MAPKAP1: variants seen among roughly 807,000 people sequenced by gnomAD.
MAPKAP1 encodes the protein target of rapamycin complex 2 subunit MAPKAP1.
MAPKAP1 carries 20 observed loss-of-function variants against 65.7 expected under a neutral mutation model. The ratio of observed to expected loss-of-function variants is 0.30; its 90% CI spans 0.21 to 0.44. The LOEUF (loss-of-function observed/expected upper bound fraction) is 0.44, where lower values mean the gene tolerates loss of function less well. MAPKAP1 is among the 20% of genes least tolerant of loss of function. The pLI is 1.00. For missense variants in MAPKAP1, 423 were observed against 648.0 expected (o/e 0.65, Z 3.77); for synonymous variants, 222 against 244.3 (o/e 0.91, Z 0.85).
At chr9:125,665,623 C>CA (rs1257029556) in intron 3 of MAPKAP1, among the ~76,000 whole-genome samples, 8 of 148,062 alleles carry the variant, frequency 5.4e-5, no homozygotes, top group African/African-American at 7.5e-5. Context: ...CCTTGTTGCT[C>CA]AAAAAAAACA....
chr9:125,495,779 G>C (rs557898750), intron 8 of MAPKAP1, among the ~76,000 whole-genome samples: 2 of 152,344 alleles, frequency 1.3e-5, no homozygotes, highest in South Asian at 4.1e-4. Context: ...GGTCAGCACA[G>C]CTTTTTGCCC....
chr9:125,461,003 G>A (rs1853473087), intron 10 of MAPKAP1, among the ~76,000 whole-genome samples: 1 of 152,214 alleles, frequency 6.6e-6, no homozygotes, highest in African/African-American at 2.4e-5. Context: ...TGATGACCAG[G>A]TCAGTCAATG....
At chr9:125,491,603 C>A (rs1854731114) in intron 8 of MAPKAP1, among the ~76,000 whole-genome samples, 1 of 151,306 alleles carries the variant, frequency 6.6e-6, no homozygotes, top group Non-Finnish European at 1.5e-5. Context: ...ATGGCAAAAC[C>A]CCATCTCTAC....
intron 3 of MAPKAP1, among the ~76,000 whole-genome samples, chr9:125,658,979 G>A (rs1445389438): frequency 3.9e-5 from 6 of 152,128 alleles, no homozygotes; most frequent in Admixed American, 1.3e-4. Flanking sequence ...GCTGGGCACC[G>A]TGGCTCAAAC....
intron 4 of MAPKAP1, among the ~76,000 whole-genome samples, chr9:125,629,463 C>T (rs768069578): frequency 2.0e-5 from 3 of 152,110 alleles, no homozygotes; most frequent in Admixed American, 1.3e-4. Context: ...CATGGATGAA[C>T]CTTGAGGACA....
At chr9:125,520,482 C>T (rs1351447764) in intron 7 of MAPKAP1, among the ~76,000 whole-genome samples, 4 of 152,130 alleles carry the variant, frequency 2.6e-5, no homozygotes, top group African/African-American at 7.2e-5. Context: ...CATACTAGTC[C>T]CTCAGTTTGG....
At chr9:125,473,521 C>A (rs1406131661) in intron 9 of MAPKAP1, among the ~76,000 whole-genome samples, 1 of 152,196 alleles carries the variant, frequency 6.6e-6, no homozygotes, top group Non-Finnish European at 1.5e-5. Context: ...CCTTCCTTAA[C>A]AAGACAGCTC....
At chr9:125,637,125 C>T (rs186900899) in intron 4 of MAPKAP1, among the ~76,000 whole-genome samples, 538 of 151,956 alleles carry the variant, frequency 3.5e-3, no homozygotes, top group Non-Finnish European at 4.8e-3. Context: ...AAAAGTTAGC[C>T]GGATGTGGTG....
intron 6 of MAPKAP1, among the ~76,000 whole-genome samples, chr9:125,556,806 C>T (rs1407494866): frequency 6.6e-6 from 1 of 152,192 alleles, no homozygotes; most frequent in African/African-American, 2.4e-5. Flanking sequence ...GCTTTACTAA[C>T]TTAGAATATA....
chr9:125,652,269 G>A (rs1270610065), intron 4 of MAPKAP1: 1 of 1,221,368 alleles, frequency 8.2e-7, no homozygotes, highest in Non-Finnish European at 1.1e-6. Context: ...TGAAACAAGA[G>A]CAGCATGCAA....
intron 4 of MAPKAP1, among the ~76,000 whole-genome samples, chr9:125,637,034 C>T (rs1017521969): frequency 2.0e-5 from 3 of 152,092 alleles, no homozygotes; most frequent in African/African-American, 4.8e-5. Flanking sequence ...TTTGGGAGGC[C>T]GAGGTGGGTG....
Position 125,438,445 on chromosome 9 carries a change from A to G in MAPKAP1, c.*442T>C. 2.5e-6 allele frequency: 1 copy of G among 399,906 alleles called. No individual in the cohort carries two copies. The highest frequency in any genetic ancestry group is 4.4e-6 in the Non-Finnish European group (1 of 226,634). 24.8% of individuals were successfully genotyped at this position (399,906 alleles called of 1,614,324 possible). A position where few individuals can be genotyped will look rare whatever the true frequency, so the allele number is the denominator to read the frequency against. ...GTAACATAATCAATCCTCCGCCCCA[A>G]AGAATGGTCCATCATACCAACCATG... On this transcript the variant is annotated 3_prime_UTR_variant, in exon 12 of 12. Transcript: ENST00000265960.
At chr9:125,485,376 T>C (rs1854468309) in intron 8 of MAPKAP1, among the ~76,000 whole-genome samples, 1 of 152,196 alleles carries the variant, frequency 6.6e-6, no homozygotes, top group Non-Finnish European at 1.5e-5. Context: ...CTGTGCATGC[T>C]AAGTACTCTG....
intron 4 of MAPKAP1, among the ~76,000 whole-genome samples, chr9:125,642,322 TA>T (rs145773735): frequency 0.011 from 1,620 of 152,248 alleles, 29 homozygotes; most frequent in African/African-American, 0.037. Context: ...TATGTGAATA[TA>T]ATTATTTTCA....
chr9:125,535,201 T>C (rs553419751), intron 7 of MAPKAP1, among the ~76,000 whole-genome samples: 63 of 152,298 alleles, frequency 4.1e-4, no homozygotes, highest in African/African-American at 1.4e-3. Flanking sequence ...TCAAAACATG[T>C]TGTCTCTTCT....
intron 4 of MAPKAP1, among the ~76,000 whole-genome samples, chr9:125,652,776 C>T (rs1833929278): frequency 6.6e-6 from 1 of 152,148 alleles, no homozygotes; most frequent in South Asian, 2.1e-4. Context: ...AATCCCCCAC[C>T]CACCCAAAGG....
At chr9:125,684,563 G>C (rs1279904680) in intron 1 of MAPKAP1, among the ~76,000 whole-genome samples, 1 of 152,096 alleles carries the variant, frequency 6.6e-6, no homozygotes, top group Non-Finnish European at 1.5e-5. Flanking sequence ...TAAAATCTAT[G>C]CTTAAACCTT....
chr9:125,472,368 C>T (rs1285667510), intron 9 of MAPKAP1, among the ~76,000 whole-genome samples: 3 of 152,198 alleles, frequency 2.0e-5, no homozygotes, highest in African/African-American at 4.8e-5. Context: ...AGTCCTCCAT[C>T]TCCTCTCTCA....
chr9:125,639,172 C>A (rs905973056), intron 4 of MAPKAP1, among the ~76,000 whole-genome samples: 47 of 152,122 alleles, frequency 3.1e-4, no homozygotes, highest in Admixed American at 2.9e-3. Context: ...ACCCAGGAGG[C>A]GGAGGCTGCA....
Sources: allele counts gnomAD v4.1 joint callset (sites outside exome capture counted in the v4.1 genomes callset), GRCh38; gene constraint gnomAD v4.1.1; transcripts MANE v1.5; gene names NCBI Gene and HGNC (gene_info 2026-07-23, HGNC 2026-07-21).